AKT3: variants seen among roughly 807,000 people sequenced by gnomAD.
AKT3 encodes AKT serine/threonine kinase 3, also known as RAC-gamma serine/threonine-protein kinase.
Under a neutral mutation model 65.3 loss-of-function variants are expected in AKT3, and 15 were observed. That is an observed-to-expected ratio of 0.23 (90% CI 0.15 to 0.35). AKT3 has a LOEUF of 0.35. Ranked by LOEUF, AKT3 falls within the 10% of genes least tolerant of loss-of-function variation. The probability of loss-of-function intolerance (pLI) is 1.00; values close to 1 mark genes in which losing one functional copy is unlikely to be tolerated. For synonymous variants in AKT3, 206 were observed against 183.8 expected (o/e 1.12, Z -0.98); for missense variants, 243 against 576.5 (o/e 0.42, Z 5.92).
chr1:243,504,565 G>A lies in AKT3; in HGVS notation c.*684C>T, dbSNP rs540435625. On this transcript the variant is annotated 3_prime_UTR_variant, in exon 14 of 14. Coordinates refer to ENST00000673466, the MANE Select transcript of AKT3 (RefSeq NM_005465.7). ...AGTGTTCACTTGCTCATGATTGCCC[G>A]TGAAGTCTCGACATCCACATGTGAT... is the stretch of plus-strand genomic sequence containing the variant. 1.2e-4 allele frequency: 23 copies of A among 185,588 alleles called. No homozygotes were observed. In the South Asian group the frequency reaches 3.1e-3, roughly 25 times the overall value. The allele number at this position is 185,588 out of a possible 1,614,324, so 11.5% of individuals were successfully genotyped here.
At chr1:243,779,856 G>T (rs569224627) in intron 2 of AKT3, among the ~76,000 whole-genome samples, 1 of 151,958 alleles carries the variant, frequency 6.6e-6, no homozygotes, top group Non-Finnish European at 1.5e-5. Context: ...TTTAAAAGCC[G>T]GCCTGAAAGT....
chr1:243,693,315 GAAATACCTTGTAAAATTATCTTTTTAA>G (rs1684848056), intron 3 of AKT3, among the ~76,000 whole-genome samples: 1 of 111,514 alleles, frequency 9.0e-6, no homozygotes, highest in Non-Finnish European at 1.8e-5. Context: ...ACATACCTTA[GAAATACCTTGTAAAATTATCTTTTTAA>G]AAATGTACTA....
intron 8 of AKT3, among the ~76,000 whole-genome samples, chr1:243,585,402 C>T (rs971325141): frequency 3.3e-5 from 5 of 150,970 alleles, no homozygotes; most frequent in Non-Finnish European, 7.4e-5. Context: ...ACAAAATTAA[C>T]AAGAAACCAA....
In AKT3 at chr1:243,654,778, T is replaced by C. The variant is rs149280051; in HGVS notation, c.285-8741A>G. The stretch of plus-strand genomic sequence containing the variant: ...ACATTATTCAATTATATTTCATTAT[T>C]ATTCCATCCCACATATTGACATTAT... On this transcript the variant is annotated intron_variant, in intron 4 of 13. Coordinates refer to ENST00000673466, the MANE Select transcript of AKT3 (RefSeq NM_005465.7). 1.1e-3 allele frequency among the ~76,000 whole-genome samples: 168 copies of C among 152,326 alleles called. 2 individuals carry two copies. Among genetic ancestry groups the C allele is most frequent in the African/African-American group, 3.7e-3 (153 of 41,572 alleles).
At chr1:243,627,293 A>T (rs1679243409) in intron 6 of AKT3, among the ~76,000 whole-genome samples, 2 of 151,892 alleles carry the variant, frequency 1.3e-5, no homozygotes, top group African/African-American at 4.8e-5. Context: ...CAGGAGTGTA[A>T]GACTAGCCTG....
intron 2 of AKT3, among the ~76,000 whole-genome samples, chr1:243,759,999 C>G (rs1396989037): frequency 6.6e-6 from 1 of 152,138 alleles, no homozygotes; most frequent in Non-Finnish European, 1.5e-5. Flanking sequence ...AGATCTGCAC[C>G]CTAGATTCAT....
intron 7 of AKT3, among the ~76,000 whole-genome samples, chr1:243,614,885 A>G (rs1248166157): frequency 6.6e-6 from 1 of 152,170 alleles, no homozygotes; most frequent in Non-Finnish European, 1.5e-5. Flanking sequence ...TTCTCAAAAA[A>G]GTAATAAATG....
chr1:243,664,963 A>G, intron 3 of AKT3, 80 bp from the exon 4 acceptor site: 1 of 711,302 alleles, frequency 1.4e-6, no homozygotes, highest in Non-Finnish European at 2.0e-6. Flanking sequence ...ACAGAGTTCT[A>G]TTTTAAACAA....
intron 2 of AKT3, among the ~76,000 whole-genome samples, chr1:243,837,016 A>C (rs1320526009): frequency 6.6e-6 from 1 of 152,034 alleles, no homozygotes; most frequent in African/African-American, 2.4e-5. Flanking sequence ...GGATTTAATA[A>C]GGAGATATCG....
At chr1:243,754,756 C>T (rs1488465987) in intron 2 of AKT3, among the ~76,000 whole-genome samples, 1 of 152,152 alleles carries the variant, frequency 6.6e-6, no homozygotes, top group East Asian at 1.9e-4. Flanking sequence ...AAACCGTCCC[C>T]CCTCCCACAC....
intron 6 of AKT3, among the ~76,000 whole-genome samples, chr1:243,617,807 T>C (rs1239305682): frequency 6.6e-6 from 1 of 152,060 alleles, no homozygotes; most frequent in Non-Finnish European, 1.5e-5. Context: ...CTTGGACTAC[T>C]ATGGTGGCAG....
chr1:243,591,492 A>G (rs1386719510), intron 8 of AKT3, among the ~76,000 whole-genome samples: 1 of 152,210 alleles, frequency 6.6e-6, no homozygotes, highest in Non-Finnish European at 1.5e-5. Context: ...ACAATGTAAA[A>G]TTCAATGTCT....
At chr1:243,559,792 G>A (rs1413792447) in intron 10 of AKT3, among the ~76,000 whole-genome samples, 2 of 152,112 alleles carry the variant, frequency 1.3e-5, no homozygotes, top group Admixed American at 6.6e-5. Context: ...ATTCACAAGA[G>A]AAGCAGTAGT....
intron 2 of AKT3, among the ~76,000 whole-genome samples, chr1:243,840,376 G>A (rs1457759984): frequency 6.6e-6 from 1 of 151,812 alleles, no homozygotes; most frequent in East Asian, 1.9e-4. Context: ...AGGTAAGGGA[G>A]AGCATGAGGA....
intron 3 of AKT3, among the ~76,000 whole-genome samples, chr1:243,678,779 T>C (rs1683708489): frequency 1.3e-5 from 2 of 152,224 alleles, no homozygotes; most frequent in South Asian, 4.1e-4. Context: ...ATACTGTTTT[T>C]AGGATGGATG....
chr1:243,519,472 T>C (rs2148382251), intron 12 of AKT3, among the ~76,000 whole-genome samples: 1 of 152,280 alleles, frequency 6.6e-6, no homozygotes, highest in South Asian at 2.1e-4. Flanking sequence ...CAAAGCAATA[T>C]TGGACAGGTC....
Position 243,718,755 on chromosome 1 carries a change from G to A in AKT3, c.47-23039C>T, listed in dbSNP as rs146635422. 9.9e-5 allele frequency among the ~76,000 whole-genome samples: 15 copies of A among 152,188 alleles called. No homozygotes were observed. The East Asian group carries it at 2.5e-3, about 26-fold the overall frequency. ...CCCAAAGTGCTGGGATTACAGGCATGAGCCACCGCACCCAGCCTCAGCTTC... is the reference window on the plus strand; with the variant it reads ...CCCAAAGTGCTGGGATTACAGGCATAAGCCACCGCACCCAGCCTCAGCTTC... On this transcript the variant is annotated intron_variant, in intron 2 of 13. Coordinates refer to ENST00000673466, the MANE Select transcript of AKT3 (RefSeq NM_005465.7).
Position 243,500,186 on chromosome 1 carries a change from A to C in AKT3, c.*5063T>G, listed in dbSNP as rs556470880. 4.2e-5 allele frequency: 11 copies of C among 261,282 alleles called. No individual in the cohort carries two copies. The highest frequency in any genetic ancestry group is 5.9e-5 in the Non-Finnish European group (8 of 134,954). 16.2% of individuals were successfully genotyped at this position (261,282 alleles called of 1,614,324 possible). On this transcript the variant is annotated 3_prime_UTR_variant, in exon 14 of 14. Coordinates refer to ENST00000673466, the MANE Select transcript of AKT3 (RefSeq NM_005465.7). ...ACTAGGCCAAAGTATATTAAGGACC[A>C]AACTTTTTTTCCTGCCATTCATTTT...
chr1:243,729,602 G>T lies in AKT3; in HGVS notation c.47-33886C>A, dbSNP rs572618569. On this transcript the variant is annotated intron_variant, in intron 2 of 13. Coordinates refer to ENST00000673466, the MANE Select transcript of AKT3 (RefSeq NM_005465.7). ...CTGAAATCTATCTTAACTGTCTAAT[G>T]ATCAGGGAGAACTGTTAGGTAAATA... Among the ~76,000 whole-genome samples the T allele has an allele frequency of 4.8e-3, 726 of 152,206 alleles. 5 individuals carry two copies. Among genetic ancestry groups the T allele is most frequent in the South Asian group, 9.1e-3 (44 of 4,824 alleles).
Sources: allele counts gnomAD v4.1 joint callset (sites outside exome capture counted in the v4.1 genomes callset), GRCh38; gene constraint gnomAD v4.1.1; transcripts MANE v1.5; gene names NCBI Gene and HGNC (gene_info 2026-07-23, HGNC 2026-07-21).